The following ADGRV1 variants were observed in gnomAD, a reference collection of about 807,000 sequenced individuals.
ADGRV1 encodes G-protein coupled receptor 98.
ADGRV1 carries 359 observed loss-of-function variants against 596.2 expected under a neutral mutation model. That is an observed-to-expected ratio of 0.60 (90% CI 0.55 to 0.66). The LOEUF (loss-of-function observed/expected upper bound fraction) is 0.66, where lower values mean the gene tolerates loss of function less well. Among genes scored for constraint, ADGRV1 ranks in the 30% least tolerant of loss-of-function variants. The pLI is 0.00. For missense variants in ADGRV1, 7,274 were observed against 7,575.6 expected (o/e 0.96, Z 1.48); for synonymous variants, 2,681 against 2,679.2 (o/e 1.00, Z -0.02).
At chr5:91,140,713 C>T (rs1392993407) in intron 87 of ADGRV1, among the ~76,000 whole-genome samples, 1 of 152,126 alleles carries the variant, frequency 6.6e-6, no homozygotes. Flanking sequence ...ACTATCCAAG[C>T]AGGGTTAGTG....
intron 4 of ADGRV1, among the ~76,000 whole-genome samples, chr5:90,621,834 A>G (rs1028833173): frequency 1.3e-5 from 2 of 152,160 alleles, no homozygotes; most frequent in Non-Finnish European, 2.9e-5. Context: ...GACATTGATG[A>G]TGATGATAAT....
chr5:91,038,244 G>A (rs1450711763), intron 85 of ADGRV1, among the ~76,000 whole-genome samples: 1 of 152,218 alleles, frequency 6.6e-6, no homozygotes. Context: ...AGGATTACTA[G>A]AGCAGTGTAA....
At chr5:91,073,419 G>T (rs1270750886) in intron 86 of ADGRV1, among the ~76,000 whole-genome samples, 1 of 152,156 alleles carries the variant, frequency 6.6e-6, no homozygotes, top group African/African-American at 2.4e-5. Flanking sequence ...AATTCCTCAC[G>T]TTTTAAGTGC....
At chr5:90,959,380 A>G (rs1777772162) in intron 83 of ADGRV1, among the ~76,000 whole-genome samples, 1 of 152,202 alleles carries the variant, frequency 6.6e-6, no homozygotes, top group Non-Finnish European at 1.5e-5. Context: ...CACTGTATTC[A>G]TGAGATGCAA....
At chr5:90,944,433 A>G (rs1364113071) in intron 83 of ADGRV1, among the ~76,000 whole-genome samples, 1 of 152,216 alleles carries the variant, frequency 6.6e-6, no homozygotes, top group Non-Finnish European at 1.5e-5. Context: ...CATGACATTG[A>G]AATACCAATT....
chr5:91,132,141 C>G (rs1015216562), intron 87 of ADGRV1, among the ~76,000 whole-genome samples: 2 of 151,616 alleles, frequency 1.3e-5, no homozygotes, highest in African/African-American at 2.4e-5. Context: ...CTGTTCTGTT[C>G]CATTGGCATG....
chr5:90,994,993 A>G (rs770911285), intron 85 of ADGRV1, among the ~76,000 whole-genome samples: 1 of 152,210 alleles, frequency 6.6e-6, no homozygotes, highest in Non-Finnish European at 1.5e-5. Flanking sequence ...AACCAGTGGT[A>G]AGAGAGTCTA....
At chr5:90,733,816 T>G (rs973100529) in intron 50 of ADGRV1, among the ~76,000 whole-genome samples, 3 of 152,162 alleles carry the variant, frequency 2.0e-5, no homozygotes, top group Admixed American at 6.5e-5. Flanking sequence ...CTTAGTTATT[T>G]TGAAATATAC....
intron 43 of ADGRV1, among the ~76,000 whole-genome samples, chr5:90,719,105 G>A (rs545782444): frequency 1.3e-5 from 2 of 152,154 alleles, no homozygotes; most frequent in South Asian, 2.1e-4. Flanking sequence ...CTAGGCGGGC[G>A]GATCACTTGA....
intron 86 of ADGRV1, among the ~76,000 whole-genome samples, chr5:91,094,767 C>A (rs375103263): frequency 6.6e-6 from 1 of 152,104 alleles, no homozygotes; most frequent in East Asian, 1.9e-4. Context: ...AAGAGGGATA[C>A]TAAATTCAGC....
intron 59 of ADGRV1, among the ~76,000 whole-genome samples, chr5:90,767,006 G>T (rs1757216406): frequency 6.6e-6 from 1 of 152,134 alleles, no homozygotes; most frequent in Non-Finnish European, 1.5e-5. Context: ...CAGGACAGTG[G>T]TATTTACCAG....
chr5:90,985,636 G>C, intron 85 of ADGRV1, 114 bp downstream of exon 85: 3 of 735,648 alleles, frequency 4.1e-6, no homozygotes, highest in Non-Finnish European at 6.8e-6. Context: ...TTCTGCCACA[G>C]TGTCTGAAGC....
chr5:91,062,887 AT>A (rs1423902905), intron 85 of ADGRV1, among the ~76,000 whole-genome samples: 1 of 150,944 alleles, frequency 6.6e-6, no homozygotes, highest in Non-Finnish European at 1.5e-5. Flanking sequence ...AGATGTAAAG[AT>A]TAACTAGTTA....
rs367733831 is a variant in ADGRV1 at position 90,926,177 on chromosome 5, G to C, written c.17857-39238G>C. Among the ~76,000 whole-genome samples the C allele has an allele frequency of 9.7e-3, 1,460 of 150,416 alleles. 17 individuals carry two copies. The highest frequency in any genetic ancestry group is 0.032 in the African/African-American group (1,306 of 40,308). ...GAGTTAGGGAGGATTCCCTCTTTTT[G>C]TATTGATTGGAATAGTTTCAGAAGG... is the stretch of plus-strand genomic sequence containing the variant. On this transcript the variant is annotated intron_variant, in intron 83 of 89. Coordinates refer to ENST00000405460, the MANE Select transcript of ADGRV1 (RefSeq NM_032119.4).
intron 83 of ADGRV1, among the ~76,000 whole-genome samples, chr5:90,917,631 A>T (rs1383176197): frequency 6.6e-6 from 1 of 152,184 alleles, no homozygotes; most frequent in Non-Finnish European, 1.5e-5. Flanking sequence ...TAATTGAGAG[A>T]TAAGCTCTAT....
chr5:90,668,346 G>A (rs1350222521), intron 21 of ADGRV1, among the ~76,000 whole-genome samples: 6 of 152,148 alleles, frequency 3.9e-5, no homozygotes, highest in Admixed American at 2.0e-4. Flanking sequence ...GAAAAGTGCA[G>A]TATTCTGGTG....
intron 85 of ADGRV1, among the ~76,000 whole-genome samples, chr5:91,063,906 A>G (rs1054777243): frequency 2.0e-5 from 3 of 152,130 alleles, no homozygotes; most frequent in Non-Finnish European, 4.4e-5. Flanking sequence ...AGAACAACAC[A>G]AATTCCAGTA....
rs185142872 is a variant in ADGRV1 at position 91,003,446 on chromosome 5, C to T, written c.18152+17924C>T. Among the ~76,000 whole-genome samples the T allele has an allele frequency of 1.4e-3, 207 of 152,282 alleles. 1 individual carries two copies. The highest frequency in any genetic ancestry group is 1.3e-4 in the Non-Finnish European group (9 of 68,020). ...AATCCTATTCTGCTTAAAACACAGT[C>T]ACTGGTGATATTTTATATGACTATC... On this transcript the variant is annotated intron_variant, in intron 85 of 89. Transcript: ENST00000405460.
intron 1 of ADGRV1, among the ~76,000 whole-genome samples, chr5:90,585,196 A>C (rs1159269294): frequency 1.3e-5 from 2 of 152,368 alleles, no homozygotes; most frequent in East Asian, 1.9e-4. Flanking sequence ...TGAGTTATAT[A>C]ACTTTTGAAT....
Sources: allele counts gnomAD v4.1 joint callset (sites outside exome capture counted in the v4.1 genomes callset), GRCh38; gene constraint gnomAD v4.1.1; transcripts MANE v1.5; gene names NCBI Gene and HGNC (gene_info 2026-07-23, HGNC 2026-07-21).